The following FCRL6 variants were observed in gnomAD, a reference collection of about 807,000 sequenced individuals.
FCRL6 encodes the protein Fc receptor like 6.
Under a neutral mutation model 49.1 loss-of-function variants are expected in FCRL6, and 50 were observed. The observed-to-expected ratio is 1.02, with a 90% CI of 0.81 to 1.29. The LOEUF is 1.29. FCRL6 is among the 50% of genes most tolerant of loss of function. The pLI is 0.00. For synonymous variants in FCRL6, 213 were observed against 199.6 expected, an observed-to-expected ratio of 1.07 and a Z score of -0.57; for missense variants, 571 against 518.5, an observed-to-expected ratio of 1.10 and a Z score of -0.98.
intron 6 of FCRL6, among the ~76,000 whole-genome samples, chr1:159,812,214 G>C (rs867943557): frequency 2.6e-5 from 4 of 152,160 alleles, no homozygotes; most frequent in Non-Finnish European, 4.4e-5. Flanking sequence ...ATATTCTTTA[G>C]AATATTGCTC....
Position 159,815,792 on chromosome 1 carries a change from T to C in FCRL6, c.*131T>C. The C allele has an allele frequency of 8.5e-7, 1 of 1,175,376 alleles. No individual in the cohort carries two copies. The highest frequency in any genetic ancestry group is 1.2e-6 in the Non-Finnish European group (1 of 833,568). 72.8% of individuals were successfully genotyped at this position (1,175,376 alleles called of 1,614,324 possible). ...CAGCATCACAGAGCCCCCTGAGCCC[T>C]TGTCCTGGTCAGGAGCACCTGAACC... is the stretch of plus-strand genomic sequence containing the variant. On this transcript the variant is annotated 3_prime_UTR_variant, in exon 10 of 10. Coordinates refer to ENST00000368106, the MANE Select transcript of FCRL6 (RefSeq NM_001004310.3).
chr1:159,810,322 G>A (rs1319019589), intron 6 of FCRL6, 106 bp downstream of exon 6: 2 of 1,364,976 alleles, frequency 1.5e-6, no homozygotes, highest in African/African-American at 2.9e-5. Flanking sequence ...TCTTCTCCTG[G>A]GTGTGGAGTG....
At chr1:159,812,463 G>A (rs185416354) in intron 6 of FCRL6, among the ~76,000 whole-genome samples, 1 of 152,306 alleles carries the variant, frequency 6.6e-6, no homozygotes, top group East Asian at 1.9e-4. Flanking sequence ...GTCATGCAAG[G>A]GGTCCACTTC....
chr1:159,808,563 A>G (rs781080911), intron 3 of FCRL6, 119 bp downstream of exon 3: 11 of 1,280,160 alleles, frequency 8.6e-6, no homozygotes, highest in Non-Finnish European at 1.2e-5. Flanking sequence ...TGCTGGGCCA[A>G]TGTGTGGGGC....
In FCRL6 at chr1:159,815,783, C is replaced by T; in HGVS notation, c.*122C>T. 7.8e-7 allele frequency: 1 copy of T among 1,274,692 alleles called. No individual in the cohort carries two copies. Among genetic ancestry groups the T allele is most frequent in the Non-Finnish European group, 1.1e-6 (1 of 913,084 alleles). The allele number at this position is 1,274,692 out of a possible 1,614,324, so 79.0% of individuals were successfully genotyped here. The stretch of plus-strand genomic sequence containing the variant: ...TCCCAAGCCCAGCATCACAGAGCCC[C>T]CTGAGCCCTTGTCCTGGTCAGGAGC... On this transcript the variant is annotated 3_prime_UTR_variant, in exon 10 of 10. Coordinates refer to ENST00000368106, the MANE Select transcript of FCRL6 (RefSeq NM_001004310.3).
rs372624549 is a variant in FCRL6 at position 159,808,253 on chromosome 1, A to G, written c.128A>G (p.Lys43Arg). The G allele has an allele frequency of 6.2e-7, 1 of 1,613,358 alleles. No individual in the cohort carries two copies. The highest frequency in any genetic ancestry group is 1.3e-5 in the African/African-American group (1 of 74,946). The change falls in exon 3 of 10, where the codon AAG (lysine) becomes AGG (arginine). Residue 43 changes from lysine to arginine, a missense_variant. By Grantham distance (26) the Lys-to-Arg change is conservative. Coordinates refer to ENST00000368106, the MANE Select transcript of FCRL6 (RefSeq NM_001004310.3). ...DALTLRCQGW[K>R]NTPLSQVKFY... is the part of the protein sequence containing the mutation. Reference sequence around the variant, plus strand: ...CTGACTCTGCGATGTCAGGGATGGAAGAATACACCACTGTCTCAGGTGAAG... The same window carrying G: ...CTGACTCTGCGATGTCAGGGATGGAGGAATACACCACTGTCTCAGGTGAAG...
At chr1:159,801,988 G>A (rs1017404041), upstream of FCRL6, among the ~76,000 whole-genome samples, 15 of 152,032 alleles carry the variant, frequency 9.9e-5, no homozygotes, top group African/African-American at 3.6e-4. Flanking sequence ...GAGGTCACTC[G>A]GTGGTCAAGG....
chr1:159,809,682 G>A lies in FCRL6; in HGVS notation c.885G>A (p.Lys295=). ...GTGAGCCCAAGAAGCTGTCTCTGAA[G>A]GGTGTGTTTTGTTCTCCAACAGAGC... is the stretch of plus-strand genomic sequence containing the variant. ...ERSEPKKLSL[K]GSQVLFTPAS... is the part of the protein sequence containing the mutation. The change falls in exon 5 of 10, where the codon AAG becomes AAA. Residue 295 remains lysine (K), a splice_region_variant and synonymous_variant. Coordinates refer to ENST00000368106, the MANE Select transcript of FCRL6 (RefSeq NM_001004310.3). The A allele has an allele frequency of 6.2e-7, 1 of 1,613,608 alleles. No homozygotes were observed. Among genetic ancestry groups the A allele is most frequent in the Middle Eastern group, 1.7e-4 (1 of 6,058 alleles).
In FCRL6 at chr1:159,813,574, T is replaced by A. The variant is rs767356661; in HGVS notation, c.1075+20T>A. On this transcript the variant is annotated intron_variant, in intron 7 of 9. Coordinates refer to ENST00000368106, the MANE Select transcript of FCRL6 (RefSeq NM_001004310.3). ...CCAACGGTAAGGACTTCCAGCAGGATGGTGGTGTGCCCATGTGGGCCAAAA... is the reference window on the plus strand; with the variant it reads ...CCAACGGTAAGGACTTCCAGCAGGAAGGTGGTGTGCCCATGTGGGCCAAAA... The A allele has an allele frequency of 6.2e-7, 1 of 1,611,266 alleles. No homozygotes were observed. The highest frequency in any genetic ancestry group is 8.5e-7 in the Non-Finnish European group (1 of 1,177,530).
At chr1:159,810,802 A>G (rs1177811740) in intron 6 of FCRL6, among the ~76,000 whole-genome samples, 1 of 152,260 alleles carries the variant, frequency 6.6e-6, no homozygotes, top group Non-Finnish European at 1.5e-5. Context: ...CACTACCATT[A>G]GTTCCATAGC....
chr1:159,800,611 T>C (rs1036124403), upstream of FCRL6: 1 of 1,550,144 alleles, frequency 6.5e-7, no homozygotes, highest in African/African-American at 1.4e-5. Flanking sequence ...TTGCCATCTT[T>C]AGGTGAGTGG....
At chr1:159,809,954 C>A in intron 5 of FCRL6, 140 bp from the exon 6 acceptor site, 1 of 1,082,756 alleles carries the variant, frequency 9.2e-7, no homozygotes, top group Non-Finnish European at 1.3e-6. Context: ...CTGAGCCATC[C>A]TTCATGCCCA....
rs1316331378 is a variant in FCRL6, at chr1:159,802,469, C to T, written c.31+14C>T. On this transcript the variant is annotated intron_variant, in intron 1 of 9. Transcript: ENST00000368106. ...TGCTGCTCTTTGGTAAGTCAACGAG[C>T]ATGGGCATCCCCTCTTGGAGCACTA... The T allele has an allele frequency of 1.9e-6, 3 of 1,611,436 alleles. No individual in the cohort carries two copies. Among genetic ancestry groups the T allele is most frequent in the African/African-American group, 2.7e-5 (2 of 74,842 alleles).
At chr1:159,803,346 G>C (rs1662466388) in intron 1 of FCRL6, among the ~76,000 whole-genome samples, 1 of 152,066 alleles carries the variant, frequency 6.6e-6, no homozygotes, top group African/African-American at 2.4e-5. Flanking sequence ...TTAATTCTTG[G>C]TCCCAATAGC....
intron 2 of FCRL6, 21 bp from the exon 3 acceptor site, chr1:159,808,157 C>T (rs759701256): frequency 2.5e-6 from 4 of 1,596,858 alleles, no homozygotes; most frequent in Non-Finnish European, 3.4e-6. Context: ...TCCAGGGCTG[C>T]CCTGTTCCTC....
intron 2 of FCRL6, 100 bp downstream of exon 2, chr1:159,806,716 T>G: frequency 8.3e-7 from 1 of 1,207,136 alleles, no homozygotes; most frequent in Non-Finnish European, 1.2e-6. Flanking sequence ...CAGAAACATC[T>G]GCAGAGCAGC....
Position 159,814,467 on chromosome 1 carries a change from C to G in FCRL6, c.1147+175C>G, listed in dbSNP as rs566656773. Among the ~76,000 whole-genome samples the G allele has an allele frequency of 5.3e-5, 8 of 152,228 alleles. No individual in the cohort carries two copies. In the South Asian group the frequency reaches 1.5e-3, roughly 28 times the overall value. On this transcript the variant is annotated intron_variant, in intron 8 of 9. Coordinates refer to ENST00000368106, the MANE Select transcript of FCRL6 (RefSeq NM_001004310.3). ...TCACCACCATCTCCTCCTTCACTAC[C>G]ACCTTCACCTTCACACCATCATCAA...
chr1:159,809,467 G>A lies in FCRL6; in HGVS notation c.670G>A (p.Val224Met), dbSNP rs763730910. 2 of 1,614,054 alleles carry A rather than the reference G, an allele frequency of 1.2e-6. No individual in the cohort carries two copies. The highest frequency in any genetic ancestry group is 1.3e-5 in the African/African-American group (1 of 75,022). ...GPADPAVGDM[V>M]QLLCEAQRGS... is the part of the protein sequence containing the mutation. ...TGCTGACCCTGCTGTGGGGGACATG[G>A]TGCAGCTCCTCTGTGAGGCACAGAG... The change falls in exon 5 of 10, where the codon GTG (valine) becomes ATG (methionine). Residue 224 changes from valine (V) to methionine (M), a missense_variant. By Grantham distance (21) the Val-to-Met change is conservative. Coordinates refer to ENST00000368106, the MANE Select transcript of FCRL6 (RefSeq NM_001004310.3).
At chr1:159,801,948 C>T (rs779889716), upstream of FCRL6, among the ~76,000 whole-genome samples, 7 of 151,976 alleles carry the variant, frequency 4.6e-5, no homozygotes, top group Non-Finnish European at 1.0e-4. Context: ...ACACATTTAC[C>T]TCTGGAGACA....
Sources: allele counts gnomAD v4.1 joint callset (sites outside exome capture counted in the v4.1 genomes callset), GRCh38; gene constraint gnomAD v4.1.1; transcripts MANE v1.5; gene names NCBI Gene and HGNC (gene_info 2026-07-23, HGNC 2026-07-21).